ROBO1: variants seen among roughly 807,000 people sequenced by gnomAD.
ROBO1 encodes roundabout guidance receptor 1, also known as roundabout homolog 1.
A neutral mutation model predicts 195.9 loss-of-function variants in ROBO1; 149 were observed. The observed-to-expected ratio is 0.76, with a 90% CI of 0.67 to 0.87. The LOEUF is 0.87. Ranked by LOEUF, ROBO1 falls within the 40% of genes least tolerant of loss-of-function variation. The pLI is 0.00. For missense variants in ROBO1, 1,933 were observed against 2,068.3 expected (o/e 0.93, Z 1.27); for synonymous variants, 816 against 733.2 (o/e 1.11, Z -1.82).
chr3:79,171,199 CATATT>C (rs1406469761), intron 2 of ROBO1, among the ~76,000 whole-genome samples: 1 of 149,408 alleles, frequency 6.7e-6, no homozygotes, highest in East Asian at 1.9e-4. Flanking sequence ...AATAATTACA[CATATT>C]ATGTTAAAAA....
chr3:79,175,640 A>G (rs142456071), intron 2 of ROBO1, among the ~76,000 whole-genome samples: 1 of 152,338 alleles, frequency 6.6e-6, no homozygotes, highest in African/African-American at 2.4e-5. Context: ...ATTATCCTAC[A>G]ATAAATGCAA....
At chr3:79,064,818 A>T (rs1206401051) in intron 3 of ROBO1, among the ~76,000 whole-genome samples, 1 of 151,888 alleles carries the variant, frequency 6.6e-6, no homozygotes, top group Non-Finnish European at 1.5e-5. Context: ...CTAATACTCA[A>T]ATACTCACTC....
At chr3:79,199,836 C>T (rs545522226) in intron 2 of ROBO1, among the ~76,000 whole-genome samples, 2 of 151,712 alleles carry the variant, frequency 1.3e-5, no homozygotes, top group African/African-American at 4.8e-5. Context: ...CTTATATAAA[C>T]TTTTTTATGG....
At chr3:79,275,895 A>T (rs2030992143) in intron 2 of ROBO1, among the ~76,000 whole-genome samples, 1 of 151,884 alleles carries the variant, frequency 6.6e-6, no homozygotes, top group South Asian at 2.1e-4. Flanking sequence ...TACAAAAAAA[A>T]ATACCTAGGA....
chr3:78,847,591 TAAC>T (rs1271969774), intron 4 of ROBO1, among the ~76,000 whole-genome samples: 2 of 152,174 alleles, frequency 1.3e-5, no homozygotes, highest in Non-Finnish European at 2.9e-5. Context: ...TTTCAAATAA[TAAC>T]ACCTTCCTTC....
At chr3:79,254,132 T>C (rs1331402428) in intron 2 of ROBO1, among the ~76,000 whole-genome samples, 2 of 152,190 alleles carry the variant, frequency 1.3e-5, no homozygotes, top group East Asian at 3.9e-4. Context: ...CAGCTATCTC[T>C]GCAATGAATA....
chr3:78,913,647 T>C (rs1343977294), intron 4 of ROBO1, among the ~76,000 whole-genome samples: 3 of 152,158 alleles, frequency 2.0e-5, no homozygotes, highest in African/African-American at 7.2e-5. Flanking sequence ...ATTAATATAT[T>C]GTCTTACGGT....
chr3:78,651,766 G>A lies in ROBO1; in HGVS notation c.2778C>T (p.Asn926=), dbSNP rs763293288. 24 of 1,613,156 alleles carry A rather than the reference G, an allele frequency of 1.5e-5. No individual in the cohort carries two copies. The highest frequency in any genetic ancestry group is 2.2e-5 in the South Asian group (2 of 91,036). Residue 926 remains asparagine, a synonymous_variant, in exon 19 of 31, where the codon AAC becomes AAT. Coordinates refer to ENST00000464233, the MANE Select transcript of ROBO1 (RefSeq NM_002941.4). ...TACCCGCGTAGGTACTAGTAAGTCC[G>A]TTTCTCTTCTTGCGGTGTCGATAAA... ...IWLYRHRKKR[N]GLTSTYAGIR...
At chr3:78,611,586 T>C (rs1703816878) in intron 28 of ROBO1, among the ~76,000 whole-genome samples, 1 of 152,190 alleles carries the variant, frequency 6.6e-6, no homozygotes, top group East Asian at 1.9e-4. Context: ...CCCTGCGTGC[T>C]TACGAGACCT....
At chr3:79,195,180 G>A (rs1220966651) in intron 2 of ROBO1, among the ~76,000 whole-genome samples, 3 of 151,494 alleles carry the variant, frequency 2.0e-5, no homozygotes, top group Non-Finnish European at 4.4e-5. Context: ...GATCAGTACT[G>A]TCATAAGAAA....
At chr3:78,654,107 G>T (rs1469067628) in intron 18 of ROBO1, among the ~76,000 whole-genome samples, 1 of 152,136 alleles carries the variant, frequency 6.6e-6, no homozygotes, top group Non-Finnish European at 1.5e-5. Context: ...CATTTTTTAT[G>T]GATTCTTCTT....
chr3:79,204,624 T>A lies in ROBO1; in HGVS notation c.89-79085A>T, dbSNP rs539041135. ...TAATTGGATTAAGACCTGCCACAGA[T>A]TGCTTTTCAGGATGACTGCACAACT... On this transcript the variant is annotated intron_variant, in intron 2 of 30. Coordinates refer to ENST00000464233, the MANE Select transcript of ROBO1 (RefSeq NM_002941.4). Among the ~76,000 whole-genome samples the A allele has an allele frequency of 4.3e-4, 66 of 152,272 alleles. 1 individual carries two copies. The highest frequency in any genetic ancestry group is 1.5e-3 in the African/African-American group (64 of 41,558).
chr3:78,965,534 CA>C (rs2076623113), intron 3 of ROBO1, among the ~76,000 whole-genome samples: 1 of 151,696 alleles, frequency 6.6e-6, no homozygotes, highest in South Asian at 2.1e-4. Context: ...CCTTATACAT[CA>C]AAAAACTCTT....
intron 2 of ROBO1, among the ~76,000 whole-genome samples, chr3:79,408,460 C>T (rs114507653): frequency 0.011 from 1,616 of 151,936 alleles, 28 homozygotes; most frequent in African/African-American, 0.037. Flanking sequence ...AGACATATTT[C>T]TTGCCTTCTT....
intron 2 of ROBO1, among the ~76,000 whole-genome samples, chr3:79,335,534 A>G (rs898597608): frequency 2.0e-5 from 3 of 152,042 alleles, no homozygotes; most frequent in Admixed American, 2.0e-4. Context: ...TCTCTCTCCT[A>G]CCACCATGTG....
At chr3:79,636,101 T>C (rs1289543364) in intron 1 of ROBO1, among the ~76,000 whole-genome samples, 3 of 152,132 alleles carry the variant, frequency 2.0e-5, no homozygotes, top group Non-Finnish European at 2.9e-5. Context: ...ACAGATAATG[T>C]ATTATAAAAT....
chr3:78,641,282 G>C (rs1167789434), intron 21 of ROBO1, among the ~76,000 whole-genome samples: 1 of 152,086 alleles, frequency 6.6e-6, no homozygotes, highest in East Asian at 1.9e-4. Context: ...TGGCAGAGCT[G>C]AAATTCATAC....
chr3:79,038,030 CAAGA>C (rs953146365), intron 3 of ROBO1, among the ~76,000 whole-genome samples: 5 of 152,066 alleles, frequency 3.3e-5, no homozygotes, highest in Non-Finnish European at 7.4e-5. Context: ...TCATCTGAAG[CAAGA>C]AAGTGCCATA....
chr3:79,156,395 A>G (rs2080858718), intron 2 of ROBO1, among the ~76,000 whole-genome samples: 1 of 151,760 alleles, frequency 6.6e-6, no homozygotes, highest in Non-Finnish European at 1.5e-5. Flanking sequence ...GTGCAGAAAT[A>G]CATTTATTCT....
Sources: allele counts gnomAD v4.1 joint callset (sites outside exome capture counted in the v4.1 genomes callset), GRCh38; gene constraint gnomAD v4.1.1; transcripts MANE v1.5; gene names NCBI Gene and HGNC (gene_info 2026-07-23, HGNC 2026-07-21).